Variants in COP1 observed in about 807,000 individuals in gnomAD.
The protein encoded by COP1 is COP1 E3 ubiquitin ligase.
COP1 carries 24 observed loss-of-function variants against 101.3 expected under a neutral mutation model. That is an observed-to-expected ratio of 0.24 (90% CI 0.17 to 0.33). The LOEUF (loss-of-function observed/expected upper bound fraction) is 0.33. COP1 is among the 10% of genes least tolerant of loss of function. The pLI, the probability that COP1 is intolerant of heterozygous loss-of-function variation, is 1.00. For synonymous variants in COP1, 347 were observed against 341.9 expected, an observed-to-expected ratio of 1.01 and a Z score of -0.17; for missense variants, 663 against 906.2, an observed-to-expected ratio of 0.73 and a Z score of 3.45.
intron 14 of COP1, among the ~76,000 whole-genome samples, chr1:176,040,503 A>C (rs61820965): frequency 0.11 from 16,351 of 152,064 alleles, 964 homozygotes; most frequent in Middle Eastern, 0.16. Context: ...TTTTTTGTAG[A>C]GACAGGGTCT....
At chr1:176,042,398 C>T (rs1184142239) in intron 14 of COP1, among the ~76,000 whole-genome samples, 2 of 149,696 alleles carry the variant, frequency 1.3e-5, no homozygotes, top group Non-Finnish European at 3.0e-5. Flanking sequence ...TCCACCTCTA[C>T]CAAAAATACA....
intron 9 of COP1, among the ~76,000 whole-genome samples, chr1:176,088,885 C>T (rs986590589): frequency 3.3e-5 from 5 of 151,424 alleles, no homozygotes; most frequent in African/African-American, 7.3e-5. Context: ...ATCCCAGCTA[C>T]TCGGGAGGCT....
At position 176,167,472 on chromosome 1, in the gene COP1, T is replaced by A. The variant is rs1206378016; in HGVS notation, c.566-3581A>T. On this transcript the variant is annotated intron_variant, in intron 3 of 19. Transcript: ENST00000367669. ...ATCTTGATGACATGCTCCTGGATTT[T>A]AAGTGTGACATGCCACGTTTAGCTA... 2.0e-5 allele frequency among the ~76,000 whole-genome samples: 3 copies of A among 152,304 alleles called. No homozygotes were observed. In the East Asian group the frequency reaches 5.8e-4, roughly 29 times the overall value.
chr1:175,974,868 A>G (rs1654119565), intron 18 of COP1, among the ~76,000 whole-genome samples: 2 of 149,544 alleles, frequency 1.3e-5, no homozygotes, highest in Admixed American at 6.7e-5. Flanking sequence ...CAAGGCTGCA[A>G]TGAGCCATGG....
At chr1:176,170,734 C>T (rs1695918590) in intron 3 of COP1, among the ~76,000 whole-genome samples, 1 of 152,142 alleles carries the variant, frequency 6.6e-6, no homozygotes, top group African/African-American at 2.4e-5. Context: ...GCTGCATCAA[C>T]CCCTATCAAG....
intron 6 of COP1, among the ~76,000 whole-genome samples, chr1:176,137,937 T>C (rs1371130976): frequency 5.9e-5 from 9 of 152,136 alleles, no homozygotes; most frequent in Non-Finnish European, 1.2e-4. Flanking sequence ...CTAGGGGAGA[T>C]GGCAAATAAG....
rs530094900 is a variant in COP1, at chr1:175,945,999, G to C, written c.2179-829C>G. Among the ~76,000 whole-genome samples, 5 of 152,260 alleles carry C rather than the reference G, an allele frequency of 3.3e-5. No homozygotes were observed. The South Asian group carries it at 1.0e-3, about 32-fold the overall frequency. On this transcript the variant is annotated intron_variant, in intron 19 of 19. Coordinates refer to ENST00000367669, the MANE Select transcript of COP1 (RefSeq NM_022457.7). ...ATCCTATGAGAACCTATGTAGTTTT[G>C]AGCTCTTGTAGGTATGCTGGCAATC...
At chr1:176,100,262 G>A (rs1050524852) in intron 9 of COP1, 5 of 240,176 alleles carry the variant, frequency 2.1e-5, no homozygotes. Context: ...GGAGGCAGGC[G>A]CCGGTAATCC....
intron 11 of COP1, among the ~76,000 whole-genome samples, chr1:176,076,289 G>A (rs1677995741): frequency 6.6e-6 from 1 of 151,760 alleles, no homozygotes; most frequent in East Asian, 1.9e-4. Context: ...GGACCACAGT[G>A]AATAAACATA....
chr1:176,148,292 T>C lies in COP1; in HGVS notation c.831+714A>G, dbSNP rs186732918. On this transcript the variant is annotated intron_variant, in intron 6 of 19. Transcript: ENST00000367669. ...AAAAGAATAAAGATAGCCCAGAACA[T>C]AGCACATAACAGACAATTTACACAT... Among the ~76,000 whole-genome samples, 468 of 151,716 alleles carry C rather than the reference T, an allele frequency of 3.1e-3. 2 individuals are homozygous for C. The highest frequency in any genetic ancestry group is 0.011 in the African/African-American group (441 of 41,338).
intron 1 of COP1, among the ~76,000 whole-genome samples, chr1:176,191,245 GTTCT>G (rs1229267867): frequency 7.9e-5 from 12 of 151,908 alleles, no homozygotes; most frequent in African/African-American, 1.5e-4. Flanking sequence ...CAAGCCCAAT[GTTCT>G]TTCTATCTTG....
chr1:175,983,277 G>C (rs1656304231), intron 18 of COP1, among the ~76,000 whole-genome samples: 1 of 152,212 alleles, frequency 6.6e-6, no homozygotes, highest in South Asian at 2.1e-4. Context: ...AAGGGACCCA[G>C]TGGGAGGTAA....
intron 15 of COP1, among the ~76,000 whole-genome samples, chr1:176,005,254 T>C: frequency 6.6e-6 from 1 of 152,194 alleles, no homozygotes; most frequent in East Asian, 1.9e-4. Flanking sequence ...TTCTTCTTTA[T>C]TAGTCTTGCT....
At chr1:176,180,348 T>C (rs999812118) in intron 2 of COP1, among the ~76,000 whole-genome samples, 1 of 152,142 alleles carries the variant, frequency 6.6e-6, no homozygotes. Context: ...CCCCAGTAAC[T>C]CTAATTCATT....
At chr1:176,195,839 A>G (rs1454173022) in intron 1 of COP1, among the ~76,000 whole-genome samples, 1 of 152,222 alleles carries the variant, frequency 6.6e-6, no homozygotes, top group African/African-American at 2.4e-5. Context: ...CACACTGGGT[A>G]CACACAGACA....
At chr1:176,007,488 G>T (rs1369062076) in intron 15 of COP1, among the ~76,000 whole-genome samples, 1 of 150,858 alleles carries the variant, frequency 6.6e-6, no homozygotes, top group African/African-American at 2.4e-5. Context: ...TCTACTTTTG[G>T]TCTTTGATGA....
intron 15 of COP1, among the ~76,000 whole-genome samples, chr1:176,014,951 A>G (rs1665363004): frequency 2.6e-5 from 4 of 152,176 alleles, no homozygotes. Flanking sequence ...AAGTCAGACA[A>G]AAACAATTAT....
Position 176,075,288 on chromosome 1 carries a change from G to A in COP1, c.1277+5864C>T, listed in dbSNP as rs140859242. ...TCATTACTGAGTTAAACAGCTGACAGAATACAATAAAAGATCTCCTCCAAT... is the reference window on the plus strand; with the variant it reads ...TCATTACTGAGTTAAACAGCTGACAAAATACAATAAAAGATCTCCTCCAAT... On this transcript the variant is annotated intron_variant, in intron 11 of 19. Coordinates refer to ENST00000367669, the MANE Select transcript of COP1 (RefSeq NM_022457.7). 1.5e-3 allele frequency among the ~76,000 whole-genome samples: 235 copies of A among 152,222 alleles called. 2 individuals carry two copies. Among genetic ancestry groups the A allele is most frequent in the African/African-American group, 5.6e-3 (232 of 41,536 alleles).
rs575184630 is a variant in COP1 at position 176,166,819 on chromosome 1, C to G, written c.566-2928G>C. Among the ~76,000 whole-genome samples, 10 of 152,202 alleles carry G rather than the reference C, an allele frequency of 6.6e-5. No individual in the cohort carries two copies. The East Asian group carries it at 1.7e-3, about 26-fold the overall frequency. On this transcript the variant is annotated intron_variant, in intron 3 of 19. Transcript: ENST00000367669. ...AGGTGTGGTGGTACATGCCTGAATT[C>G]CCCGCTACTCAGGAGGCCTAGGTGG...
Sources: allele counts gnomAD v4.1 joint callset (sites outside exome capture counted in the v4.1 genomes callset), GRCh38; gene constraint gnomAD v4.1.1; transcripts MANE v1.5; gene names NCBI Gene and HGNC (gene_info 2026-07-23, HGNC 2026-07-21).